GLDN: variants seen among roughly 807,000 people sequenced by gnomAD.
The protein encoded by GLDN is collomin.
In GLDN, 47 loss-of-function variants were observed where a neutral mutation model predicts 56.5. The ratio of observed to expected loss-of-function variants is 0.83; its 90% CI spans 0.66 to 1.06. GLDN has a LOEUF of 1.06. GLDN is among the 50% of genes least tolerant of loss of function. The pLI, the probability that GLDN is intolerant of heterozygous loss-of-function variation, is 0.00. For missense variants in GLDN, 782 were observed against 714.3 expected (o/e 1.09, Z -1.08); for synonymous variants, 332 against 278.8 (o/e 1.19, Z -1.90).
At chr15:51,391,411 C>A (rs1345357863) in intron 4 of GLDN, among the ~76,000 whole-genome samples, 1 of 152,186 alleles carries the variant, frequency 6.6e-6, no homozygotes, top group Non-Finnish European at 1.5e-5. Flanking sequence ...TTGCAGGAAC[C>A]AGCAGATACC....
intron 1 of GLDN, among the ~76,000 whole-genome samples, chr15:51,344,395 G>A (rs74557023): frequency 0.035 from 5,335 of 152,232 alleles, 293 homozygotes; most frequent in African/African-American, 0.12. Context: ...TTTAATTTAT[G>A]ACAGCAATAT....
chr15:51,381,801 G>A (rs1286359576), intron 2 of GLDN, among the ~76,000 whole-genome samples: 3 of 148,880 alleles, frequency 2.0e-5, no homozygotes, highest in African/African-American at 7.5e-5. Flanking sequence ...CATCCTCCAT[G>A]TCTCTCTTCC....
chr15:51,358,370 G>T (rs577382415), intron 1 of GLDN, among the ~76,000 whole-genome samples: 7 of 152,230 alleles, frequency 4.6e-5, no homozygotes, highest in South Asian at 2.1e-4. Flanking sequence ...CCAGAAATAC[G>T]CTAACTGGTA....
At chr15:51,396,022 T>C (rs1218127357) in intron 5 of GLDN, among the ~76,000 whole-genome samples, 1 of 152,116 alleles carries the variant, frequency 6.6e-6, no homozygotes, top group Non-Finnish European at 1.5e-5. Context: ...TCATGAGGGC[T>C]CTGCCTCCAT....
At chr15:51,388,494 T>C (rs1385703184) in intron 4 of GLDN, among the ~76,000 whole-genome samples, 1 of 152,114 alleles carries the variant, frequency 6.6e-6, no homozygotes, top group Non-Finnish European at 1.5e-5. Flanking sequence ...TAGGGACTAT[T>C]TGCTGTTGTG....
At chr15:51,401,876 C>A in intron 9 of GLDN, 133 bp downstream of exon 9, 1 of 764,236 alleles carries the variant, frequency 1.3e-6, no homozygotes. Context: ...TGAGGTCAAT[C>A]AGGGTTTGTC....
intron 4 of GLDN, among the ~76,000 whole-genome samples, chr15:51,386,681 C>T (rs756815548): frequency 2.6e-5 from 4 of 152,188 alleles, no homozygotes; most frequent in Non-Finnish European, 5.9e-5. Flanking sequence ...AGACGGCCTC[C>T]GTAGGCGGGG....
intron 1 of GLDN, among the ~76,000 whole-genome samples, chr15:51,368,049 G>T (rs967119757): frequency 6.6e-6 from 1 of 152,160 alleles, no homozygotes; most frequent in African/African-American, 2.4e-5. Context: ...AAGAGAAGCA[G>T]GTATCCCCAT....
At chr15:51,361,130 C>T (rs190344853) in intron 1 of GLDN, among the ~76,000 whole-genome samples, 101 of 152,280 alleles carry the variant, frequency 6.6e-4, no homozygotes, top group African/African-American at 1.9e-3. Context: ...CAGCAGTACT[C>T]CTGCTTAGAA....
intron 2 of GLDN, among the ~76,000 whole-genome samples, chr15:51,381,016 G>A (rs1301376505): frequency 1.3e-5 from 2 of 152,190 alleles, no homozygotes; most frequent in African/African-American, 4.8e-5. Flanking sequence ...AGGAACCCCA[G>A]ATGGGGCCTG....
chr15:51,401,130 T>C (rs1035498930), intron 8 of GLDN, among the ~76,000 whole-genome samples: 1 of 152,196 alleles, frequency 6.6e-6, no homozygotes, highest in Non-Finnish European at 1.5e-5. Context: ...AGTTATTCAA[T>C]TGGGAACCTG....
Position 51,407,803 on chromosome 15 carries a change from T to G in GLDN, c.*3049T>G, listed in dbSNP as rs1430124992. 6.6e-6 allele frequency: 1 copy of G among 152,260 alleles called. No individual in the cohort carries two copies. The highest frequency in any genetic ancestry group is 6.5e-5 in the Admixed American group (1 of 15,280). 9.4% of individuals were successfully genotyped at this position (152,260 alleles called of 1,614,324 possible). The stretch of plus-strand genomic sequence containing the variant: ...AACCACACAGAGGACGTTTTGGCTA[T>G]GATCATCTGATGGCAAGTGAAGGAG... On this transcript the variant is annotated 3_prime_UTR_variant, in exon 10 of 10. Transcript: ENST00000335449.
intron 9 of GLDN, among the ~76,000 whole-genome samples, chr15:51,402,501 C>T (rs1420854754): frequency 6.6e-6 from 1 of 152,222 alleles, no homozygotes; most frequent in African/African-American, 2.4e-5. Flanking sequence ...CTTCCTGTGT[C>T]TCCCTGTCCT....
At chr15:51,348,786 C>T (rs976077640) in intron 1 of GLDN, among the ~76,000 whole-genome samples, 1 of 152,058 alleles carries the variant, frequency 6.6e-6, no homozygotes. Context: ...TTGTTAGGGG[C>T]CATGTTAGGA....
downstream of GLDN, among the ~76,000 whole-genome samples, chr15:51,411,687 A>G (rs966222287): frequency 6.6e-6 from 1 of 152,238 alleles, no homozygotes; most frequent in Non-Finnish European, 1.5e-5. Context: ...TATAATTTTT[A>G]CATCTCACAA....
At chr15:51,369,449 C>T (rs1892845949) in intron 1 of GLDN, among the ~76,000 whole-genome samples, 2 of 152,190 alleles carry the variant, frequency 1.3e-5, no homozygotes, top group Non-Finnish European at 2.9e-5. Context: ...TTCAGAGAAA[C>T]CATGACAGGC....
chr15:51,344,580 A>T (rs954565378), intron 1 of GLDN, among the ~76,000 whole-genome samples: 2 of 152,156 alleles, frequency 1.3e-5, no homozygotes, highest in African/African-American at 2.4e-5. Flanking sequence ...CTTATAGGTG[A>T]AGGCTACACC....
At chr15:51,400,529 G>C in intron 8 of GLDN, 31 bp downstream of exon 8, 1 of 1,600,912 alleles carries the variant, frequency 6.2e-7, no homozygotes, top group Non-Finnish European at 8.5e-7. Flanking sequence ...ACCCATATCT[G>C]TGTGGTAACT....
chr15:51,357,918 G>A (rs896717173), intron 1 of GLDN, among the ~76,000 whole-genome samples: 34 of 152,210 alleles, frequency 2.2e-4, no homozygotes, highest in South Asian at 6.2e-4. Flanking sequence ...AGACCTGTCC[G>A]TGCCCTGTCC....
Sources: gnomAD v4.1 joint callset for allele counts (sites outside exome capture counted in the v4.1 genomes callset) on GRCh38, gnomAD v4.1.1 for gene constraint, MANE v1.5 for transcripts, NCBI Gene and HGNC (gene_info 2026-07-23, HGNC 2026-07-21) for gene names.